GLIS3: variants seen among roughly 807,000 people sequenced by gnomAD.
GLIS3 encodes zinc finger protein GLIS3.
GLIS3 carries 53 observed loss-of-function variants against 78.6 expected under a neutral mutation model. That is an observed-to-expected ratio of 0.67 (90% CI 0.54 to 0.85). The LOEUF is 0.85. Among genes scored for constraint, GLIS3 ranks in the 40% least tolerant of loss-of-function variants. The pLI is 0.00. For synonymous variants in GLIS3, 684 were observed against 509.9 expected (o/e 1.34, Z -4.60); for missense variants, 1,703 against 1,231.1 (o/e 1.38, Z -5.74).
chr9:4,235,390 T>C (rs1356294092), intron 2 of GLIS3, among the ~76,000 whole-genome samples: 3 of 151,784 alleles, frequency 2.0e-5, no homozygotes, highest in African/African-American at 7.3e-5. Flanking sequence ...AGAAGGCTCA[T>C]GCATGTGCCA....
At chr9:4,106,591 A>G (rs1375167327) in intron 4 of GLIS3, among the ~76,000 whole-genome samples, 1 of 152,172 alleles carries the variant, frequency 6.6e-6, no homozygotes, top group African/African-American at 2.4e-5. Context: ...GCACATTGTC[A>G]TTTTTTCCTT....
At chr9:4,402,008 T>C in the GLIS3 span, among the ~76,000 whole-genome samples, 1 of 152,096 alleles carries the variant, frequency 6.6e-6, no homozygotes, top group African/African-American at 2.4e-5. Flanking sequence ...GGTTTTTTGC[T>C]CCAATCCCTG....
chr9:4,329,821 C>A (rs1009653206), intron 2 of GLIS3, among the ~76,000 whole-genome samples: 2 of 152,126 alleles, frequency 1.3e-5, no homozygotes, highest in Non-Finnish European at 2.9e-5. Flanking sequence ...AGTGATGAGG[C>A]CTACTTCTGG....
chr9:4,338,024 C>CTGTGTGTGTGTG (rs74777663), intron 2 of GLIS3, among the ~76,000 whole-genome samples: 88 of 139,076 alleles, frequency 6.3e-4, no homozygotes, highest in African/African-American at 2.3e-3. Flanking sequence ...ATTGGCAAGG[C>CTGTGTGTGTGTG]TGTGTGTGTG....
At chr9:4,407,954 A>G in the GLIS3 span, among the ~76,000 whole-genome samples, 7 of 152,230 alleles carry the variant, frequency 4.6e-5, no homozygotes, top group Non-Finnish European at 8.8e-5. Context: ...TAAAATGGGC[A>G]AAGATCTGAA....
At chr9:4,206,162 A>G (rs990372914) in intron 2 of GLIS3, among the ~76,000 whole-genome samples, 1 of 152,256 alleles carries the variant, frequency 6.6e-6, no homozygotes, top group African/African-American at 2.4e-5. Context: ...AAGAAAATCT[A>G]TAACAGAACT....
At chr9:4,085,314 T>C (rs1392009668) in intron 4 of GLIS3, among the ~76,000 whole-genome samples, 1 of 152,262 alleles carries the variant, frequency 6.6e-6, no homozygotes, top group African/African-American at 2.4e-5. Context: ...TTCTAAGGGT[T>C]CTTTTTTCTT....
chr9:4,244,634 G>C (rs1240216019), intron 2 of GLIS3, among the ~76,000 whole-genome samples: 3 of 152,070 alleles, frequency 2.0e-5, no homozygotes, highest in African/African-American at 7.2e-5. Context: ...GAATGCAATG[G>C]TGCAATCTTG....
rs369637890 is a variant in GLIS3 at position 3,927,152 on chromosome 9, G to C, written c.1983+5208C>G. Among the ~76,000 whole-genome samples, 13 of 152,294 alleles carry C rather than the reference G, an allele frequency of 8.5e-5. No homozygotes were observed. In the East Asian group the frequency reaches 1.7e-3, roughly 20 times the overall value. ...GTAAATCTATGAGGGCACAGAACTT[G>C]TCTGTCTTATACACATTTGTATCTC... On this transcript the variant is annotated intron_variant, in intron 6 of 10. Transcript: ENST00000381971.
At chr9:4,122,176 G>A (rs368683907) in intron 3 of GLIS3, among the ~76,000 whole-genome samples, 2 of 152,220 alleles carry the variant, frequency 1.3e-5, no homozygotes, top group Admixed American at 1.3e-4. Context: ...ATAAGAGCAT[G>A]AGAGGCATGA....
At chr9:4,309,378 C>G (rs1461791622) in intron 3 of GLIS3, among the ~76,000 whole-genome samples, 1 of 152,166 alleles carries the variant, frequency 6.6e-6, no homozygotes, top group African/African-American at 2.4e-5. Context: ...ACAATTTCCA[C>G]TTATGAACAA....
At chr9:3,874,442 T>G (rs1265321326) in intron 8 of GLIS3, among the ~76,000 whole-genome samples, 2 of 152,182 alleles carry the variant, frequency 1.3e-5, no homozygotes, top group African/African-American at 4.8e-5. Flanking sequence ...TATAATAAAC[T>G]AGTAAATGTG....
At chr9:4,018,425 T>G (rs1045428526) in intron 4 of GLIS3, among the ~76,000 whole-genome samples, 2 of 152,224 alleles carry the variant, frequency 1.3e-5, no homozygotes, top group African/African-American at 4.8e-5. Context: ...CTTCTCTTGC[T>G]GGTTGTTTCC....
At chr9:4,052,265 T>A (rs1017698200) in intron 4 of GLIS3, among the ~76,000 whole-genome samples, 2 of 152,258 alleles carry the variant, frequency 1.3e-5, no homozygotes, top group Non-Finnish European at 2.9e-5. Context: ...TTTTCAAGTA[T>A]ATATAAATGT....
intron 2 of GLIS3, among the ~76,000 whole-genome samples, chr9:4,168,355 G>A (rs1816061811): frequency 6.6e-6 from 1 of 152,064 alleles, no homozygotes; most frequent in Non-Finnish European, 1.5e-5. Context: ...GACTGTTAAC[G>A]GGACTCTATT....
intron 1 of GLIS3, among the ~76,000 whole-genome samples, chr9:4,296,702 G>A (rs1442996855): frequency 6.6e-6 from 1 of 152,066 alleles, no homozygotes. Context: ...GGATTACTGA[G>A]TCTTCTGGGC....
chr9:4,143,424 G>A (rs1013572924), intron 2 of GLIS3, among the ~76,000 whole-genome samples: 1 of 151,836 alleles, frequency 6.6e-6, no homozygotes, highest in East Asian at 1.9e-4. Context: ...AAAATTAGCC[G>A]GGCATGGTGG....
At chr9:4,318,468 C>T (rs1171016713) in intron 2 of GLIS3, among the ~76,000 whole-genome samples, 11 of 152,056 alleles carry the variant, frequency 7.2e-5, no homozygotes, top group Non-Finnish European at 1.2e-4. Context: ...TGTGACAGAA[C>T]GTAAACCCTC....
intron 4 of GLIS3, among the ~76,000 whole-genome samples, chr9:3,941,635 T>C (rs1815926883): frequency 6.6e-6 from 1 of 152,188 alleles, no homozygotes; most frequent in Admixed American, 6.5e-5. Context: ...TGTTTGCACA[T>C]TTCAGTGGCT....
Sources: allele counts gnomAD v4.1 joint callset (sites outside exome capture counted in the v4.1 genomes callset), GRCh38; gene constraint gnomAD v4.1.1; transcripts MANE v1.5; gene names NCBI Gene and HGNC (gene_info 2026-07-23, HGNC 2026-07-21).